The following WFDC11 variants were observed in gnomAD, a reference collection of about 807,000 sequenced individuals.
WFDC11 encodes WAP four-disulfide core domain 11.
Under a neutral mutation model 9.9 loss-of-function variants are expected in WFDC11, and 9 were observed. That is an observed-to-expected ratio of 0.91 (90% CI 0.55 to 1.58). The LOEUF is 1.58. Among genes scored for constraint, WFDC11 ranks in the 40% most tolerant of loss-of-function variants. WFDC11 has a pLI of 0.00. For missense variants in WFDC11, 106 were observed against 101.7 expected, an observed-to-expected ratio of 1.04 and a Z score of -0.18; for synonymous variants, 32 against 33.3, an observed-to-expected ratio of 0.96 and a Z score of 0.13.
chr20:45,649,228 T>C (rs956998961), intron 4 of WFDC11, 29 bp downstream of exon 4: 3 of 1,613,376 alleles, frequency 1.9e-6, no homozygotes, highest in Non-Finnish European at 2.5e-6. Context: ...AGTGAAGATA[T>C]ACACCCAAGC....
intron 4 of WFDC11, 27 bp from the exon 5 acceptor site, chr20:45,648,766 A>C (rs768719514): frequency 6.2e-7 from 1 of 1,613,288 alleles, no homozygotes; most frequent in East Asian, 2.2e-5. Flanking sequence ...TTAGATTTTT[A>C]GAGGCTAGAG....
At chr20:45,653,138 A>C (rs1258860935) in intron 2 of WFDC11, among the ~76,000 whole-genome samples, 1 of 152,180 alleles carries the variant, frequency 6.6e-6, no homozygotes, top group Non-Finnish European at 1.5e-5. Context: ...AGATTCACCA[A>C]AGTTGAAATC....
At chr20:45,648,944 A>G (rs942630237) in intron 4 of WFDC11, among the ~76,000 whole-genome samples, 1 of 152,238 alleles carries the variant, frequency 6.6e-6, no homozygotes, top group Non-Finnish European at 1.5e-5. Flanking sequence ...CAAATGGCCC[A>G]TGGGAAAGTC....
rs770424614 is a variant in WFDC11 at position 45,650,630 on chromosome 20, T to C, written c.-30A>G. On this transcript the variant is annotated 5_prime_UTR_variant, in exon 3 of 5. Transcript: ENST00000324384. ...GTCTGAATATGTGTTGTCAGAAGGA[T>C]TATTTTTCTTCCCAGTCGCTGCTAG... The C allele has an allele frequency of 1.3e-6, 2 of 1,583,644 alleles. No individual in the cohort carries two copies. Among genetic ancestry groups the C allele is most frequent in the Non-Finnish European group, 1.7e-6 (2 of 1,152,450 alleles).
chr20:45,665,382 G>A (rs1276738649), intron 2 of WFDC11, among the ~76,000 whole-genome samples: 1 of 152,144 alleles, frequency 6.6e-6, no homozygotes, highest in Non-Finnish European at 1.5e-5. Flanking sequence ...GCTCGGAGAA[G>A]TTTGTTATTA....
intron 2 of WFDC11, among the ~76,000 whole-genome samples, chr20:45,666,755 C>T (rs896071731): frequency 1.1e-4 from 17 of 152,174 alleles, no homozygotes; most frequent in African/African-American, 3.9e-4. Context: ...TACAGCCAAC[C>T]TTTTCTTTGA....
At chr20:45,664,103 T>C (rs61174978) in intron 2 of WFDC11, among the ~76,000 whole-genome samples, 1,564 of 152,328 alleles carry the variant, frequency 0.01, 27 homozygotes, top group African/African-American at 0.035. Flanking sequence ...TGAATCTGGG[T>C]GCTCCCGTAT....
rs1982731449 is a variant in WFDC11 at position 45,648,588 on chromosome 20, A to T, written c.*131T>A. The T allele has an allele frequency of 1.0e-6, 1 of 953,784 alleles. No homozygotes were observed. Among genetic ancestry groups the T allele is most frequent in the African/African-American group, 1.7e-5 (1 of 59,952 alleles). The allele number at this position is 953,784 out of a possible 1,614,324, so 59.1% of individuals were successfully genotyped here. The stretch of plus-strand genomic sequence containing the variant: ...TACTGGTAAATAAGTTTATTTGTCA[A>T]GTGTTTGCTGTTGTCCAGCTCTCAG... On this transcript the variant is annotated 3_prime_UTR_variant, in exon 5 of 5. Transcript: ENST00000324384.
chr20:45,661,782 C>T (rs6073841), intron 2 of WFDC11, among the ~76,000 whole-genome samples: 28,683 of 151,074 alleles, frequency 0.19, 2,947 homozygotes, highest in East Asian at 0.32. Context: ...TCTATATCTC[C>T]GTTTTGGTAC....
Position 45,649,743 on chromosome 20 carries a change from C to G in WFDC11, c.101-344G>C, listed in dbSNP as rs145451030. Reference sequence around the variant, plus strand: ...TCCTATAAAATCTGCATTTACATAACAGGAGATCTCAGGGCCCGGCATATC... The same window carrying G: ...TCCTATAAAATCTGCATTTACATAAGAGGAGATCTCAGGGCCCGGCATATC... On this transcript the variant is annotated intron_variant, in intron 3 of 4. Transcript: ENST00000324384. 1.8e-3 allele frequency among the ~76,000 whole-genome samples: 269 copies of G among 152,308 alleles called. 4 individuals are homozygous for G. The East Asian group carries it at 0.045, about 26-fold the overall frequency.
intron 2 of WFDC11, among the ~76,000 whole-genome samples, chr20:45,661,529 T>G (rs1983065427): frequency 6.6e-6 from 1 of 152,240 alleles, no homozygotes. Context: ...TAGGTTTTCT[T>G]CTAGGGTTTT....
chr20:45,662,453 A>G (rs1416233843), intron 2 of WFDC11, among the ~76,000 whole-genome samples: 3 of 152,126 alleles, frequency 2.0e-5, no homozygotes, highest in Non-Finnish European at 4.4e-5. Context: ...TTCCAACACT[A>G]TGTTGAGTAG....
At chr20:45,656,209 C>T (rs1188956263) in intron 2 of WFDC11, among the ~76,000 whole-genome samples, 1 of 149,722 alleles carries the variant, frequency 6.7e-6, no homozygotes, top group East Asian at 2.0e-4. Context: ...GTAACCAAAA[C>T]AGCATAGTAC....
chr20:45,656,470 A>C (rs1429878296), intron 2 of WFDC11, among the ~76,000 whole-genome samples: 2 of 152,262 alleles, frequency 1.3e-5, no homozygotes, highest in Admixed American at 1.3e-4. Context: ...TTAGATGTAA[A>C]ACCATAAAAA....
At chr20:45,669,529 C>T (rs1044120133) in intron 1 of WFDC11, among the ~76,000 whole-genome samples, 6 of 152,156 alleles carry the variant, frequency 3.9e-5, no homozygotes, top group African/African-American at 1.2e-4. Flanking sequence ...CAAAACCACA[C>T]ACTTACATGT....
At chr20:45,663,960 T>C (rs1018054062) in intron 2 of WFDC11, among the ~76,000 whole-genome samples, 1 of 152,192 alleles carries the variant, frequency 6.6e-6, no homozygotes. Context: ...CAGAGCTGAG[T>C]TCAAGTCCTG....
intron 1 of WFDC11, among the ~76,000 whole-genome samples, chr20:45,667,942 G>A (rs1482219749): frequency 1.3e-5 from 2 of 152,202 alleles, no homozygotes; most frequent in East Asian, 1.9e-4. Context: ...TATTTAACAT[G>A]TATTAACCAA....
At chr20:45,663,945 T>C (rs890564228) in intron 2 of WFDC11, among the ~76,000 whole-genome samples, 2 of 152,182 alleles carry the variant, frequency 1.3e-5, no homozygotes, top group African/African-American at 4.8e-5. Flanking sequence ...TAGGTCTGCT[T>C]GGTGCAGAGC....
chr20:45,652,316 C>A (rs6065852), intron 2 of WFDC11, among the ~76,000 whole-genome samples: 36,450 of 152,072 alleles, frequency 0.24, 4,510 homozygotes, highest in East Asian at 0.32. Context: ...GATACCCAGG[C>A]AAACAGGGTC....
Sources: allele counts gnomAD v4.1 joint callset (sites outside exome capture counted in the v4.1 genomes callset), GRCh38; gene constraint gnomAD v4.1.1; transcripts MANE v1.5; gene names NCBI Gene and HGNC (gene_info 2026-07-23, HGNC 2026-07-21).